Variants in ROR2 observed in about 807,000 individuals in gnomAD.
The protein encoded by ROR2 is tyrosine-protein kinase transmembrane receptor ROR2.
In ROR2, 33 loss-of-function variants were observed where a neutral mutation model predicts 74.9. That is an observed-to-expected ratio of 0.44 (90% CI 0.33 to 0.59). The LOEUF is 0.59. ROR2 is among the 20% of genes least tolerant of loss of function. The pLI is 0.02. For synonymous variants in ROR2, 586 were observed against 558.7 expected (o/e 1.05, Z -0.69); for missense variants, 1,216 against 1,313.8 (o/e 0.93, Z 1.15).
rs1165120297 is a variant in ROR2 at position 91,772,841 on chromosome 9, C to CATTCT, written c.175+2895_175+2899dup. On this transcript the variant is annotated intron_variant, in intron 2 of 8. Transcript: ENST00000375708. The stretch of plus-strand genomic sequence containing the variant: ...AACAAACAAAAAGCACGGTAGAAAG[C>CATTCT]ATTCTATTCTACGCTTGAGAAGTTG... Among the ~76,000 whole-genome samples, 4 of 152,276 alleles carry CATTCT rather than the reference C, an allele frequency of 2.6e-5. No individual in the cohort carries two copies. In the East Asian group the frequency reaches 7.7e-4, roughly 29 times the overall value.
intron 1 of ROR2, among the ~76,000 whole-genome samples, chr9:91,915,489 T>G (rs1012887564): frequency 2.0e-5 from 3 of 152,164 alleles, no homozygotes; most frequent in Non-Finnish European, 4.4e-5. Flanking sequence ...GTGGTCTTCC[T>G]GACTTTAAGA....
At chr9:91,901,775 G>A (rs116102111) in intron 1 of ROR2, among the ~76,000 whole-genome samples, 2,172 of 145,744 alleles carry the variant, frequency 0.015, 59 homozygotes, top group African/African-American at 0.052. Context: ...ATGATCTCAC[G>A]AATGCACTCC....
Position 91,942,707 on chromosome 9 carries a change from G to A in ROR2, c.97+7160C>T, listed in dbSNP as rs117570883. Among the ~76,000 whole-genome samples the A allele has an allele frequency of 1.6e-4, 25 of 152,248 alleles. No homozygotes were observed. In the East Asian group the frequency reaches 4.8e-3, roughly 29 times the overall value. The stretch of plus-strand genomic sequence containing the variant: ...ATTAAATCATCCTGTATTTACAGTG[G>A]TCCCTAAATCCAATCACTGGTGTCC... On this transcript the variant is annotated intron_variant, in intron 1 of 8. Coordinates refer to ENST00000375708, the MANE Select transcript of ROR2 (RefSeq NM_004560.4).
chr9:91,805,297 A>C (rs576323655), intron 1 of ROR2, among the ~76,000 whole-genome samples: 1 of 152,354 alleles, frequency 6.6e-6, no homozygotes, highest in Admixed American at 6.5e-5. Context: ...AGGGGAGAAC[A>C]GATTTGAGAG....
chr9:91,888,878 C>G (rs1473041325), intron 1 of ROR2, among the ~76,000 whole-genome samples: 1 of 152,148 alleles, frequency 6.6e-6, no homozygotes, highest in Non-Finnish European at 1.5e-5. Flanking sequence ...TCTAGTGTGA[C>G]AGGCTGTCCA....
chr9:91,944,846 G>A (rs7027147), intron 1 of ROR2, among the ~76,000 whole-genome samples: 22,446 of 152,024 alleles, frequency 0.15, 3,665 homozygotes, highest in African/African-American at 0.41. Flanking sequence ...CAGCCCAGGA[G>A]TTCAAGACCA....
chr9:91,726,399 A>G, intron 8 of ROR2, 142 bp downstream of exon 8: 1 of 847,440 alleles, frequency 1.2e-6, no homozygotes, highest in East Asian at 2.5e-5. Context: ...TTACAGAAAA[A>G]AAAAATGGCA....
chr9:91,844,011 T>A (rs1358763798), intron 1 of ROR2, among the ~76,000 whole-genome samples: 1 of 151,876 alleles, frequency 6.6e-6, no homozygotes, highest in Non-Finnish European at 1.5e-5. Context: ...CTAACGGCCG[T>A]CCCCACACTC....
At chr9:91,814,539 A>G (rs1827865085) in intron 1 of ROR2, among the ~76,000 whole-genome samples, 1 of 152,300 alleles carries the variant, frequency 6.6e-6, no homozygotes, top group South Asian at 2.1e-4. Context: ...CACAAAAATA[A>G]CATCACTATA....
intron 1 of ROR2, among the ~76,000 whole-genome samples, chr9:91,793,266 A>T (rs1827061676): frequency 6.6e-6 from 1 of 152,294 alleles, no homozygotes; most frequent in Non-Finnish European, 1.5e-5. Flanking sequence ...GAGAATAGAG[A>T]AATGATCCAA....
At chr9:91,761,592 G>A (rs1245981457) in intron 2 of ROR2, among the ~76,000 whole-genome samples, 1 of 152,130 alleles carries the variant, frequency 6.6e-6, no homozygotes, top group Non-Finnish European at 1.5e-5. Flanking sequence ...AATTGATAGG[G>A]AGTGGCTGTA....
At chr9:91,760,590 C>T (rs1308115117) in intron 2 of ROR2, among the ~76,000 whole-genome samples, 3 of 150,484 alleles carry the variant, frequency 2.0e-5, no homozygotes, top group Non-Finnish European at 4.4e-5. Flanking sequence ...GCCGAGATCG[C>T]GCCACTGCAC....
In ROR2 at chr9:91,877,079, C is replaced by T. The variant is rs114106113; in HGVS notation, c.97+72788G>A. ...AATGAGGCTTCAAGTGGCAGTGAAC[C>T]GCTCAGAAGGCAGCACAGGGTGCTG... On this transcript the variant is annotated intron_variant, in intron 1 of 8. Transcript: ENST00000375708. Among the ~76,000 whole-genome samples, 563 of 152,284 alleles carry T rather than the reference C, an allele frequency of 3.7e-3. 2 individuals carry two copies. Among genetic ancestry groups the T allele is most frequent in the African/African-American group, 0.013 (531 of 41,554 alleles).
intron 4 of ROR2, among the ~76,000 whole-genome samples, chr9:91,739,702 T>G (rs1266654935): frequency 6.6e-6 from 1 of 152,166 alleles, no homozygotes; most frequent in Non-Finnish European, 1.5e-5. Flanking sequence ...GAAAGAGATT[T>G]TGGTGTTAAC....
chr9:91,898,025 G>C (rs1403011020), intron 1 of ROR2, among the ~76,000 whole-genome samples: 1 of 152,098 alleles, frequency 6.6e-6, no homozygotes, highest in Non-Finnish European at 1.5e-5. Context: ...CCTTGCCACG[G>C]CGGGGTCCAC....
At chr9:91,737,301 A>G in intron 5 of ROR2, 90 bp downstream of exon 5, 1 of 1,549,134 alleles carries the variant, frequency 6.5e-7, no homozygotes, top group Non-Finnish European at 8.9e-7. Context: ...TGACCATGCC[A>G]TTAACTGATG....
At chr9:91,808,773 AC>A (rs1827647831) in intron 1 of ROR2, among the ~76,000 whole-genome samples, 2 of 152,008 alleles carry the variant, frequency 1.3e-5, no homozygotes, top group African/African-American at 4.8e-5. Flanking sequence ...CCTGGCTAAC[AC>A]GGTGAAACTA....
rs763445626 is a variant in ROR2, at chr9:91,757,358, T to C, written c.377A>G (p.Asp126Gly). Residue 126 changes from aspartate (D) to glycine (G), a missense_variant, in exon 3 of 9, where the codon GAC becomes GGC. Asp to Gly is a moderately conservative substitution (Grantham distance 94, BLOSUM62 -1). Coordinates refer to ENST00000375708, the MANE Select transcript of ROR2 (RefSeq NM_004560.4). ...YGSRLRIQDL[D>G]TTDTGYYQCV... is the part of the protein sequence containing the mutation. ...CTGGTAGTAGCCAGTGTCTGTCGTG[T>C]CCAGGTCCTGGATTCGCAGTCGTGA... 1.9e-6 allele frequency: 3 copies of C among 1,613,866 alleles called. No homozygotes were observed. In the Admixed American group the frequency reaches 5.0e-5, roughly 27 times the overall value.
chr9:91,851,085 G>A (rs1261875801), intron 1 of ROR2, among the ~76,000 whole-genome samples: 1 of 152,134 alleles, frequency 6.6e-6, no homozygotes, highest in African/African-American at 2.4e-5. Flanking sequence ...GGGCGCGGTG[G>A]CTCATGCCTG....
Sources: gnomAD v4.1 joint callset for allele counts (sites outside exome capture counted in the v4.1 genomes callset) on GRCh38, gnomAD v4.1.1 for gene constraint, MANE v1.5 for transcripts, NCBI Gene and HGNC (gene_info 2026-07-23, HGNC 2026-07-21) for gene names.